MARVELD3: variants seen among roughly 807,000 people sequenced by gnomAD.
The protein encoded by MARVELD3 is MARVEL domain-containing protein 3.
Under a neutral mutation model 33.5 loss-of-function variants are expected in MARVELD3, and 28 were observed. The ratio of observed to expected loss-of-function variants is 0.84; its 90% confidence interval spans 0.62 to 1.15. The LOEUF (loss-of-function observed/expected upper bound fraction) is 1.15. Among genes scored for constraint, MARVELD3 ranks in the 50% most tolerant of loss-of-function variants. The pLI is 0.00. For missense variants in MARVELD3, 582 were observed against 547.6 expected, an observed-to-expected ratio of 1.06 and a Z score of -0.63; for synonymous variants, 241 against 230.4, an observed-to-expected ratio of 1.05 and a Z score of -0.42.
Position 71,636,127 on chromosome 16 carries a change from A to C in MARVELD3, c.*1324A>C, listed in dbSNP as rs574534586. On this transcript the variant is annotated 3_prime_UTR_variant, in exon 3 of 3. Transcript: ENST00000268485. ...CGGTCCTTAAGTTATGACTTATGGA[A>C]CATTACAATATATTCTCGGTCCAAG... 7.1e-6 allele frequency: 7 copies of C among 985,190 alleles called. No homozygotes were observed. The East Asian group carries it at 6.8e-4, about 96-fold the overall frequency. The allele number at this position is 985,190 out of a possible 1,614,324, so 61.0% of individuals were successfully genotyped here.
Position 71,626,436 on chromosome 16 carries a change from CGACCGGAACCGG to C in MARVELD3, c.214_225del (p.Asn72_Arg75del). The C allele has an allele frequency of 6.5e-7, 1 of 1,548,192 alleles. No individual in the cohort carries two copies. The highest frequency in any genetic ancestry group is 8.7e-7 in the Non-Finnish European group (1 of 1,146,192). On this transcript the variant is annotated inframe_deletion, in exon 1 of 3. Coordinates refer to ENST00000268485, the MANE Select transcript of MARVELD3 (RefSeq NM_052858.6). The surrounding 1 kb of genome is among the most constrained non-coding windows in gnomAD (Gnocchi z 5.3). ...GAGACCAGGAGAGGGACGGGAACCGCGACCGGAACCGGGACCGGGAGAGGGAGAGAGAGAGGG... is the reference window on the plus strand; with the variant it reads ...GAGACCAGGAGAGGGACGGGAACCGCGACCGGGAGAGGGAGAGAGAGAGGG...
rs1011532427 is a variant in MARVELD3, at chr16:71,626,509, C to T, written c.280C>T (p.His94Tyr). 3.2e-6 allele frequency: 5 copies of T among 1,549,758 alleles called. No homozygotes were observed. The African/African-American group carries it at 6.8e-5, about 21-fold the overall frequency. Residue 94 changes from histidine to tyrosine, a missense_variant, in exon 1 of 3, where the codon CAC becomes TAC. By Grantham distance (83) the His-to-Tyr change is moderately conservative. Coordinates refer to ENST00000268485, the MANE Select transcript of MARVELD3 (RefSeq NM_052858.6). This position sits in a 1 kb window ranked among gnomAD's most constrained non-coding sequence, Gnocchi z 5.3. ...DPDRGPRRDT[H>Y]RDAGPRAGEH... ...GGACCGAGGCCCCCGCCGGGACACA[C>T]ACAGGGACGCGGGCCCTCGCGCAGG...
intron 2 of MARVELD3, among the ~76,000 whole-genome samples, chr16:71,632,586 TTC>T (rs994632987): frequency 6.6e-6 from 1 of 151,774 alleles, no homozygotes. Flanking sequence ...TTTTTCCTAT[TTC>T]TTTTTTTTTT....
chr16:71,639,803 G>A (rs867062055), downstream of MARVELD3, among the ~76,000 whole-genome samples: 2 of 152,208 alleles, frequency 1.3e-5, no homozygotes, highest in East Asian at 3.9e-4. Flanking sequence ...GGGTGTACCC[G>A]TTTGTGTAAC....
chr16:71,633,018 A>G (rs930528108), intron 2 of MARVELD3, among the ~76,000 whole-genome samples: 3 of 152,230 alleles, frequency 2.0e-5, no homozygotes, highest in South Asian at 2.1e-4. Context: ...ATTTTCTTCA[A>G]ACTTGGAGAA....
chr16:71,635,243 C>T lies in MARVELD3; in HGVS notation c.*440C>T, dbSNP rs1048479276. On this transcript the variant is annotated 3_prime_UTR_variant, in exon 3 of 3. Coordinates refer to ENST00000268485, the MANE Select transcript of MARVELD3 (RefSeq NM_052858.6). ...ACTTGGGAGGCTGAGGCAGGAGAAT[C>T]GCTTGAATCTGGGAGGCGGAGATTG... 63 of 843,786 alleles carry T rather than the reference C, an allele frequency of 7.5e-5. No homozygotes were observed. Among genetic ancestry groups the T allele is most frequent in the Non-Finnish European group, 8.7e-5 (61 of 701,034 alleles). The allele number at this position is 843,786 out of a possible 1,614,324, so 52.3% of individuals were successfully genotyped here. A position where few individuals can be genotyped will look rare whatever the true frequency, so the allele number is the denominator to read the frequency against.
At chr16:71,633,359 A>G (rs1180992215) in intron 2 of MARVELD3, among the ~76,000 whole-genome samples, 2 of 152,136 alleles carry the variant, frequency 1.3e-5, no homozygotes, top group Non-Finnish European at 2.9e-5. Context: ...CCTTGTCTCA[A>G]AAAAGAAGAG....
intron 1 of MARVELD3, among the ~76,000 whole-genome samples, chr16:71,627,970 C>A (rs931862405): frequency 6.6e-6 from 1 of 152,202 alleles, no homozygotes; most frequent in African/African-American, 2.4e-5. Flanking sequence ...TGACACCTGG[C>A]CTCTCCTCTA....
chr16:71,629,926 A>G (rs1377275135), intron 2 of MARVELD3, among the ~76,000 whole-genome samples: 1 of 152,086 alleles, frequency 6.6e-6, no homozygotes, highest in African/African-American at 2.4e-5. Flanking sequence ...GACGCCCAAC[A>G]TTTGATCAAT....
chr16:71,640,538 G>A, downstream of MARVELD3: 1 of 1,614,204 alleles, frequency 6.2e-7, no homozygotes, highest in Non-Finnish European at 8.5e-7. Context: ...AGGGCACTGA[G>A]CTAGAGCAGG....
At chr16:71,640,852 T>TGGCAGGCACCGACGGAGC (rs1283475430), downstream of MARVELD3, 3 of 1,614,102 alleles carry the variant, frequency 1.9e-6, no homozygotes, top group African/African-American at 4.0e-5. Context: ...GACTGCCAGC[T>TGGCAGGCACCGACGGAGC]GGCAGGCACC....
rs182350655 is a variant in MARVELD3 at position 71,631,044 on chromosome 16, C to T, written c.595+1550C>T. Among the ~76,000 whole-genome samples, 371 of 152,266 alleles carry T rather than the reference C, an allele frequency of 2.4e-3. 1 individual carries two copies. The highest frequency in any genetic ancestry group is 8.1e-3 in the African/African-American group (337 of 41,554). ...GGTTTACTATGACTAAGGGAGAAAA[C>T]GTTCCAGCCTAAGGGAGAGAACTTA... On this transcript the variant is annotated intron_variant, in intron 2 of 2. Coordinates refer to ENST00000268485, the MANE Select transcript of MARVELD3 (RefSeq NM_052858.6).
intron 2 of MARVELD3, 148 bp downstream of exon 2, chr16:71,629,642 TAA>T (rs533759724): frequency 0.045 from 14,426 of 319,476 alleles, 3 homozygotes; most frequent in South Asian, 0.069. Context: ...CTTGTTTTCT[TAA>T]AAAAAAAAAA....
At chr16:71,629,904 C>A (rs774261708) in intron 2 of MARVELD3, among the ~76,000 whole-genome samples, 1 of 152,102 alleles carries the variant, frequency 6.6e-6, no homozygotes. Flanking sequence ...CACCTGTTCT[C>A]CTTGAAGATC....
chr16:71,633,249 C>T (rs1463948270), intron 2 of MARVELD3, among the ~76,000 whole-genome samples: 5 of 151,946 alleles, frequency 3.3e-5, no homozygotes, highest in Non-Finnish European at 1.5e-5. Context: ...GTAGTCCCAG[C>T]TATGTGGGAG....
downstream of MARVELD3, among the ~76,000 whole-genome samples, chr16:71,640,076 C>T (rs563500004): frequency 7.2e-5 from 11 of 152,022 alleles, no homozygotes; most frequent in South Asian, 2.1e-3. Flanking sequence ...TGAGACCAGC[C>T]TGGCCAACAT....
chr16:71,631,693 G>A (rs543706744), intron 2 of MARVELD3, among the ~76,000 whole-genome samples: 8 of 151,908 alleles, frequency 5.3e-5, no homozygotes, highest in Admixed American at 2.6e-4. Flanking sequence ...TGATCTGCCC[G>A]CCTTGGCCTC....
intron 2 of MARVELD3, among the ~76,000 whole-genome samples, chr16:71,632,919 CTTAT>C (rs1201199109): frequency 6.6e-6 from 1 of 151,782 alleles, no homozygotes; most frequent in Middle Eastern, 3.2e-3. Flanking sequence ...GCCAATTTTT[CTTAT>C]TTCTAATACA....
chr16:71,633,320 C>A (rs1041737919), intron 2 of MARVELD3, among the ~76,000 whole-genome samples: 1 of 152,094 alleles, frequency 6.6e-6, no homozygotes, highest in Admixed American at 6.5e-5. Flanking sequence ...TGTGATTGTG[C>A]CACTGTACTC....
Sources: gnomAD v4.1 joint callset for allele counts (sites outside exome capture counted in the v4.1 genomes callset) on GRCh38, gnomAD v4.1.1 for gene constraint, Gnocchi (gnomAD v3.1) non-coding constraint, MANE v1.5 for transcripts, NCBI Gene and HGNC (gene_info 2026-07-23, HGNC 2026-07-21) for gene names.